ITGB5: variants seen among roughly 807,000 people sequenced by gnomAD.
ITGB5 encodes the protein integrin beta-5.
A neutral mutation model predicts 84.8 loss-of-function variants in ITGB5; 38 were observed. That is an observed-to-expected ratio of 0.45 (90% CI 0.35 to 0.59). The LOEUF (loss-of-function observed/expected upper bound fraction) is 0.59. ITGB5 is among the 20% of genes least tolerant of loss of function. The probability of loss-of-function intolerance (pLI) is 0.01; values close to 1 mark genes in which losing one functional copy is unlikely to be tolerated. For missense variants in ITGB5, 905 were observed against 1,034.5 expected, an observed-to-expected ratio of 0.87 and a Z score of 1.72; for synonymous variants, 393 against 414.4, an observed-to-expected ratio of 0.95 and a Z score of 0.63.
chr3:124,768,881 C>T, intron 12 of ITGB5, 132 bp downstream of exon 12: 1 of 627,468 alleles, frequency 1.6e-6, no homozygotes. Flanking sequence ...GGTTCCAGCA[C>T]CGGGTCCTCA....
Position 124,763,517 on chromosome 3 carries a change from T to G in ITGB5, c.*106A>C. 4 of 673,002 alleles carry G rather than the reference T, an allele frequency of 5.9e-6. No homozygotes were observed. The allele number at this position is 673,002 out of a possible 1,614,324, so 41.7% of individuals were successfully genotyped here. The stretch of plus-strand genomic sequence containing the variant: ...CCCAGGCTCACTAGAAGGTCTTCTC[T>G]GTGGTGCCTACCTAGGGAGCTGTGA... On this transcript the variant is annotated 3_prime_UTR_variant, in exon 15 of 15. Transcript: ENST00000296181.
At chr3:124,875,794 T>C (rs1934283031) in intron 1 of ITGB5, among the ~76,000 whole-genome samples, 1 of 152,212 alleles carries the variant, frequency 6.6e-6, no homozygotes, top group Non-Finnish European at 1.5e-5. Context: ...AAAAGTGGTA[T>C]ACACATACAA....
chr3:124,875,777 A>AT (rs992854322), intron 1 of ITGB5, among the ~76,000 whole-genome samples: 16 of 152,238 alleles, frequency 1.1e-4, no homozygotes, highest in Non-Finnish European at 4.4e-5. Context: ...AAAATGTGGT[A>AT]TTTTTAAAAA....
At chr3:124,803,349 G>A (rs1418893036) in intron 9 of ITGB5, among the ~76,000 whole-genome samples, 1 of 152,068 alleles carries the variant, frequency 6.6e-6, no homozygotes, top group Non-Finnish European at 1.5e-5. Flanking sequence ...CTTCTGGCAC[G>A]CTTCTCAGGC....
At chr3:124,766,421 C>T (rs984671914) in intron 12 of ITGB5, 76 bp from the exon 13 acceptor site, 19 of 1,553,510 alleles carry the variant, frequency 1.2e-5, no homozygotes, top group East Asian at 6.9e-5. Flanking sequence ...GGCAGGGAGC[C>T]GAGTGCCTTG....
intron 2 of ITGB5, 25 bp from the exon 3 acceptor site, chr3:124,859,471 A>G: frequency 6.2e-7 from 1 of 1,600,270 alleles, no homozygotes; most frequent in Middle Eastern, 1.7e-4. Context: ...AGAGGAAGAG[A>G]GCAGGAGGTG....
chr3:124,846,868 G>A (rs187668222), intron 4 of ITGB5, among the ~76,000 whole-genome samples: 43 of 152,314 alleles, frequency 2.8e-4, no homozygotes, highest in Non-Finnish European at 4.7e-4. Flanking sequence ...CCGGGAGGCG[G>A]AGGTTGCAGG....
At chr3:124,797,592 A>G (rs2064251008) in intron 9 of ITGB5, among the ~76,000 whole-genome samples, 1 of 152,194 alleles carries the variant, frequency 6.6e-6, no homozygotes, top group Admixed American at 6.5e-5. Context: ...AAACAGGCTC[A>G]AGGTGGGCCT....
intron 12 of ITGB5, among the ~76,000 whole-genome samples, chr3:124,766,651 C>T (rs1051013055): frequency 4.6e-5 from 7 of 151,936 alleles, no homozygotes; most frequent in African/African-American, 7.3e-5. Context: ...GGGGTGGGGA[C>T]GGGTGAAGGG....
rs1013052516 is a variant in ITGB5 at position 124,838,984 on chromosome 3, G to A, written c.780+2399C>T. ...GTCCATAAACTACTTCCAATTTTTTGTCACCATAAGGCTGTGGTGAGCCAG... is the reference window on the plus strand; with the variant it reads ...GTCCATAAACTACTTCCAATTTTTTATCACCATAAGGCTGTGGTGAGCCAG... On this transcript the variant is annotated intron_variant, in intron 5 of 14. Transcript: ENST00000296181. Among the ~76,000 whole-genome samples, 12 of 152,242 alleles carry A rather than the reference G, an allele frequency of 7.9e-5. 1 individual carries two copies. The highest frequency in any genetic ancestry group is 6.5e-4 in the Admixed American group (10 of 15,296).
At chr3:124,854,590 G>A (rs72974520) in intron 3 of ITGB5, among the ~76,000 whole-genome samples, 3,559 of 152,206 alleles carry the variant, frequency 0.023, 129 homozygotes, top group African/African-American at 0.081. Context: ...GGATACCAGC[G>A]GCTGAAAGGG....
intron 7 of ITGB5, among the ~76,000 whole-genome samples, chr3:124,819,078 G>A (rs1379909949): frequency 6.6e-6 from 1 of 152,208 alleles, no homozygotes; most frequent in East Asian, 1.9e-4. Context: ...CATGTGGGGA[G>A]TTTTTGAAGA....
intron 1 of ITGB5, among the ~76,000 whole-genome samples, chr3:124,877,312 T>C (rs1168500782): frequency 6.6e-6 from 1 of 151,966 alleles, no homozygotes; most frequent in Non-Finnish European, 1.5e-5. Context: ...ACTTAAGCCT[T>C]TAAAAACAAA....
chr3:124,887,570 G>C (rs1025993976), upstream of ITGB5: 14 of 283,502 alleles, frequency 4.9e-5, no homozygotes, highest in African/African-American at 2.5e-4. Flanking sequence ...GAGGCCCTAC[G>C]GGCCCAGGTG....
chr3:124,820,051 C>G (rs1464242326), intron 6 of ITGB5, among the ~76,000 whole-genome samples: 1 of 152,138 alleles, frequency 6.6e-6, no homozygotes, highest in African/African-American at 2.4e-5. Flanking sequence ...CTGGCATTCA[C>G]CAAACTAGAT....
At chr3:124,851,639 ACACG>A (rs1271079828) in intron 3 of ITGB5, among the ~76,000 whole-genome samples, 7 of 150,782 alleles carry the variant, frequency 4.6e-5, no homozygotes, top group Admixed American at 6.6e-5. Flanking sequence ...ACACACACAC[ACACG>A]CACACATCCC....
At chr3:124,879,941 C>A (rs541943565) in intron 1 of ITGB5, among the ~76,000 whole-genome samples, 1 of 152,198 alleles carries the variant, frequency 6.6e-6, no homozygotes, top group Admixed American at 6.5e-5. Context: ...AGAGGCTTCT[C>A]GCTTGATATG....
intron 4 of ITGB5, among the ~76,000 whole-genome samples, chr3:124,847,615 G>T (rs549110731): frequency 3.3e-5 from 5 of 152,292 alleles, no homozygotes; most frequent in African/African-American, 1.2e-4. Flanking sequence ...AGATGGTAAA[G>T]CCTGGAAGAT....
At chr3:124,825,410 A>T (rs2064771674) in intron 5 of ITGB5, among the ~76,000 whole-genome samples, 1 of 152,228 alleles carries the variant, frequency 6.6e-6, no homozygotes, top group Non-Finnish European at 1.5e-5. Context: ...TATTTATAAA[A>T]ATGTTATTTG....
Sources: gnomAD v4.1 joint callset for allele counts (sites outside exome capture counted in the v4.1 genomes callset) on GRCh38, gnomAD v4.1.1 for gene constraint, MANE v1.5 for transcripts, NCBI Gene and HGNC (gene_info 2026-07-23, HGNC 2026-07-21) for gene names.